Variants in HMCN1 observed in about 807,000 individuals in gnomAD.
HMCN1 encodes hemicentin 1.
Under a neutral mutation model 625.9 loss-of-function variants are expected in HMCN1, and 321 were observed. The ratio of observed to expected loss-of-function variants is 0.51; its 90% confidence interval spans 0.47 to 0.56. The LOEUF (loss-of-function observed/expected upper bound fraction) is 0.56. Ranked by LOEUF, HMCN1 falls within the 20% of genes least tolerant of loss-of-function variation. HMCN1 has a pLI of 0.00. For missense variants in HMCN1, 6,588 were observed against 6,887.3 expected, an observed-to-expected ratio of 0.96 and a Z score of 1.54; for synonymous variants, 2,425 against 2,417.6, an observed-to-expected ratio of 1.00 and a Z score of -0.09.
chr1:186,045,571 T>C, intron 40 of HMCN1, 117 bp from the exon 41 acceptor site: 3 of 792,434 alleles, frequency 3.8e-6, no homozygotes, highest in Non-Finnish European at 6.6e-6. Context: ...AGAATGATTG[T>C]GATCCTATAT....
intron 29 of HMCN1, among the ~76,000 whole-genome samples, chr1:186,006,806 A>T (rs1018466527): frequency 1.3e-5 from 2 of 151,752 alleles, no homozygotes; most frequent in Non-Finnish European, 2.9e-5. Context: ...AAACCAAAAA[A>T]TTTAAAAAAA....
chr1:186,065,400 A>AGAGCAG lies in HMCN1; in HGVS notation c.7681_7686dup (p.Arg2561_Ser2562dup). 1 of 1,608,890 alleles carries AGAGCAG rather than the reference A, an allele frequency of 6.2e-7. No individual in the cohort carries two copies. The highest frequency in any genetic ancestry group is 8.5e-7 in the Non-Finnish European group (1 of 1,179,540). On this transcript the variant is annotated inframe_insertion, in exon 49 of 107. Transcript: ENST00000271588. The stretch of plus-strand genomic sequence containing the variant: ...TTGGCTTCCAGTCCAGCTGGCCACA[A>AGAGCAG]GAGCAGGAGCTTCAGTCTTAATGTA...
In HMCN1 at chr1:185,967,247, G is replaced by T. The variant is rs540828236; in HGVS notation, c.2212+1332G>T. The stretch of plus-strand genomic sequence containing the variant: ...TGTATATAGCAGAGTCTCACAAACA[G>T]TCTTTTATTCCCCCAAACTGGGACT... On this transcript the variant is annotated intron_variant, in intron 14 of 106. Coordinates refer to ENST00000271588, the MANE Select transcript of HMCN1 (RefSeq NM_031935.3). Among the ~76,000 whole-genome samples the T allele has an allele frequency of 3.3e-5, 5 of 152,184 alleles. No homozygotes were observed. In the East Asian group the frequency reaches 5.8e-4, roughly 18 times the overall value.
Position 186,119,313 on chromosome 1 carries a change from T to C in HMCN1, c.11956+15T>C. ...TCATGTTCATGGTATGGAAGGCTAT[T>C]TACTCATTCAAAGTTCGCTGGGTTT... is the stretch of plus-strand genomic sequence containing the variant. On this transcript the variant is annotated intron_variant, in intron 78 of 106. Transcript: ENST00000271588. 6.3e-7 allele frequency: 1 copy of C among 1,596,938 alleles called. No homozygotes were observed.
intron 50 of HMCN1, among the ~76,000 whole-genome samples, chr1:186,069,187 T>C (rs1307689979): frequency 6.6e-6 from 1 of 152,160 alleles, no homozygotes; most frequent in Non-Finnish European, 1.5e-5. Flanking sequence ...GCTGGAGTCA[T>C]GTTTTGAATG....
At position 185,779,226 on chromosome 1, in the gene HMCN1, T is replaced by A. The variant is rs1434153049; in HGVS notation, c.268+44179T>A. Among the ~76,000 whole-genome samples the A allele has an allele frequency of 5.8e-3, 885 of 151,426 alleles. 6 individuals are homozygous for A. The highest frequency in any genetic ancestry group is 0.02 in the African/African-American group (835 of 41,458). On this transcript the variant is annotated intron_variant, in intron 1 of 106. Transcript: ENST00000271588. ...TTTTCTTGTAAATTTGTTTGAGTTC[T>A]TTGTAGATTCTGGATATTAGCCCTT...
At chr1:185,922,066 A>T (rs1162912201) in intron 6 of HMCN1, among the ~76,000 whole-genome samples, 1 of 152,200 alleles carries the variant, frequency 6.6e-6, no homozygotes, top group Non-Finnish European at 1.5e-5. Context: ...CAAAACAAAG[A>T]TCCATACCCT....
rs1238764607 is a variant in HMCN1 at position 186,007,163 on chromosome 1, T to C, written c.4511T>C (p.Leu1504Pro). The C allele has an allele frequency of 1.9e-6, 3 of 1,613,298 alleles. No individual in the cohort carries two copies. Among genetic ancestry groups the C allele is most frequent in the Non-Finnish European group, 2.5e-6 (3 of 1,179,314 alleles). ...LFLGDPNVEL[L>P]DRGQVLHLKN... is the part of the protein sequence containing the mutation. ...TTGGGCGATCCTAATGTTGAACTTC[T>C]AGACAGAGGACAAGTCTTACATTTA... Residue 1504 changes from leucine to proline, a missense_variant, in exon 30 of 107, where the codon CTA becomes CCA. Physicochemically the swap from Leu to Pro is moderately conservative, Grantham distance 98 (BLOSUM62 -3). Around this residue, in one of 3 missense-constraint regions of HMCN1, gnomAD observed 4,628 missense variants for 4,853.1 expected, o/e 0.95. Coordinates refer to ENST00000271588, the MANE Select transcript of HMCN1 (RefSeq NM_031935.3).
intron 4 of HMCN1, among the ~76,000 whole-genome samples, chr1:185,905,901 G>A (rs967053503): frequency 6.6e-6 from 1 of 151,666 alleles, no homozygotes; most frequent in Non-Finnish European, 1.5e-5. Flanking sequence ...GGTCTCAGAG[G>A]CCCTTTGTAG....
In HMCN1 at chr1:186,090,863, T is replaced by C; in HGVS notation, c.9833T>C (p.Ile3278Thr). ...GCAAATGGCATTCCTACTCCACTTA[T>C]TCAATGGCTTAAAGATGGAAAGCCC... ...CNANGIPTPL[I>T]QWLKDGKPIA... The change falls in exon 64 of 107, where the codon ATT (isoleucine) becomes ACT (threonine). Residue 3278 changes from isoleucine (I) to threonine (T), a missense_variant. Coordinates refer to ENST00000271588, the MANE Select transcript of HMCN1 (RefSeq NM_031935.3). The C allele has an allele frequency of 6.2e-7, 1 of 1,612,544 alleles. No homozygotes were observed.
At position 186,074,753 on chromosome 1, in the gene HMCN1, G is replaced by A. The variant is rs754443415; in HGVS notation, c.8152G>A (p.Asp2718Asn). 4.3e-6 allele frequency: 7 copies of A among 1,612,722 alleles called. No homozygotes were observed. Among genetic ancestry groups the A allele is most frequent in the East Asian group, 2.2e-5 (1 of 44,722 alleles). The change falls in exon 53 of 107, where the codon GAT becomes AAT. Residue 2718 changes from aspartate (D) to asparagine (N), a missense_variant. Physicochemically the swap from Asp to Asn is conservative, Grantham distance 23. This residue lies in a region of HMCN1 where 4,628 missense variants were observed against 4,853.1 expected (regional missense o/e 0.95). Coordinates refer to ENST00000271588, the MANE Select transcript of HMCN1 (RefSeq NM_031935.3). ...AATTGAATCACAGCCCCTTAAATCC[G>A]ATGATCATGTTAATATTGCTGCGAA... Reference protein sequence around the residue: ...WYKDGQPLKSDDHVNIAANGH... With the variant: ...WYKDGQPLKSNDHVNIAANGH...
chr1:185,856,429 C>T (rs1003546958), intron 2 of HMCN1, among the ~76,000 whole-genome samples: 4 of 148,180 alleles, frequency 2.7e-5, no homozygotes, highest in African/African-American at 7.5e-5. Context: ...GGTGGAGTTG[C>T]GGTGAGTGAG....
At chr1:186,029,815 A>C (rs1416245079) in intron 36 of HMCN1, among the ~76,000 whole-genome samples, 1 of 151,816 alleles carries the variant, frequency 6.6e-6, no homozygotes, top group East Asian at 1.9e-4. Flanking sequence ...TTAAGGTAGA[A>C]TGTTAGGTTA....
At position 185,909,737 on chromosome 1, in the gene HMCN1, T is replaced by A. The variant is rs184097402; in HGVS notation, c.793+229T>A. Among the ~76,000 whole-genome samples the A allele has an allele frequency of 2.2e-3, 336 of 152,260 alleles. 4 individuals carry two copies. Among genetic ancestry groups the A allele is most frequent in the Non-Finnish European group, 1.0e-3 (70 of 68,016 alleles). On this transcript the variant is annotated intron_variant, in intron 5 of 106. Transcript: ENST00000271588. Reference sequence around the variant, plus strand: ...ACTTCTCGTATTTAAAGAGGTCAGATGTAGTATACTAATTATATTTAAATG... The same window carrying A: ...ACTTCTCGTATTTAAAGAGGTCAGAAGTAGTATACTAATTATATTTAAATG...
At chr1:185,742,152 T>C (rs1428569040) in intron 1 of HMCN1, among the ~76,000 whole-genome samples, 1 of 152,166 alleles carries the variant, frequency 6.6e-6, no homozygotes, top group Admixed American at 6.5e-5. Flanking sequence ...AGCAAATCTT[T>C]TAACCTTGCT....
chr1:186,145,946 G>C, intron 93 of HMCN1, 23 bp downstream of exon 93: 2 of 1,612,092 alleles, frequency 1.2e-6, no homozygotes, highest in Non-Finnish European at 1.7e-6. Context: ...ATTGGACTTT[G>C]GTAGCACATT....
chr1:185,862,074 T>C (rs1662907953), intron 2 of HMCN1, among the ~76,000 whole-genome samples: 1 of 152,114 alleles, frequency 6.6e-6, no homozygotes. Context: ...GCAAGGGGAA[T>C]ATTAAAAATT....
rs1389205691 is a variant in HMCN1 at position 186,019,688 on chromosome 1, A to C, written c.5618A>C (p.Asn1873Thr). Residue 1873 changes from asparagine to threonine, a missense_variant, in exon 35 of 107, where the codon AAC becomes ACC. This residue lies in a region of HMCN1 where 4,628 missense variants were observed against 4,853.1 expected (regional missense o/e 0.95). Coordinates refer to ENST00000271588, the MANE Select transcript of HMCN1 (RefSeq NM_031935.3). ...DDQPVNTAQG[N>T]LKIQSSGRVL... ...CAGCCTGTGAACACTGCCCAAGGAAACCTTAAAGTAAGTGTAAATATTACT... is the reference window on the plus strand; with the variant it reads ...CAGCCTGTGAACACTGCCCAAGGAACCCTTAAAGTAAGTGTAAATATTACT... 4 of 1,611,454 alleles carry C rather than the reference A, an allele frequency of 2.5e-6. No individual in the cohort carries two copies. The highest frequency in any genetic ancestry group is 3.4e-6 in the Non-Finnish European group (4 of 1,178,070).
At chr1:185,976,228 T>G (rs1651202705) in intron 15 of HMCN1, among the ~76,000 whole-genome samples, 1 of 152,082 alleles carries the variant, frequency 6.6e-6, no homozygotes, top group Admixed American at 6.6e-5. Context: ...AGATTGCCAA[T>G]ATTTCAACAG....
Sources: allele counts gnomAD v4.1 joint callset (sites outside exome capture counted in the v4.1 genomes callset), GRCh38; gene constraint gnomAD v4.1.1; regional missense constraint gnomAD v4.1.1; transcripts MANE v1.5; gene names NCBI Gene and HGNC (gene_info 2026-07-23, HGNC 2026-07-21).